The following C7 variants were observed in gnomAD, a reference collection of about 807,000 sequenced individuals.
The protein encoded by C7 is complement component C7.
A neutral mutation model predicts 104.8 loss-of-function variants in C7; 83 were observed. That is an observed-to-expected ratio of 0.79 (90% CI 0.66 to 0.95). C7 has a LOEUF of 0.95. Ranked by LOEUF, C7 falls within the 40% of genes least tolerant of loss-of-function variation. The pLI is 0.00. For missense variants in C7, 1,070 were observed against 1,011.2 expected (o/e 1.06, Z -0.79); for synonymous variants, 415 against 360.6 (o/e 1.15, Z -1.71).
intron 6 of C7, among the ~76,000 whole-genome samples, chr5:40,944,401 T>C (rs1020273695): frequency 6.6e-6 from 1 of 152,218 alleles, no homozygotes; most frequent in African/African-American, 2.4e-5. Context: ...GAACCTGTAG[T>C]TACATCTAGT....
In C7 at chr5:40,958,191, T is replaced by G; in HGVS notation, c.1419T>G (p.Cys473Trp). The change falls in exon 11 of 18, where the codon TGT (cysteine) becomes TGG (tryptophan). Residue 473 changes from cysteine (C) to tryptophan (W), a missense_variant. Physicochemically the swap from Cys to Trp is radical, Grantham distance 215. Coordinates refer to ENST00000313164, the MANE Select transcript of C7 (RefSeq NM_000587.4). ...TGGCTACTGTTGAGGGGACCCATTG[T>G]CTGTGCCATTGCAAACCGTACACAT... ...GGLATVEGTH[C>W]LCHCKPYTFG... 6.2e-7 allele frequency: 1 copy of G among 1,613,836 alleles called. No homozygotes were observed. Among genetic ancestry groups the G allele is most frequent in the South Asian group, 1.1e-5 (1 of 91,052 alleles).
At chr5:40,916,794 A>T (rs1739328687) in intron 1 of C7, among the ~76,000 whole-genome samples, 2 of 152,132 alleles carry the variant, frequency 1.3e-5, no homozygotes, top group African/African-American at 4.8e-5. Context: ...TGTGCACAAC[A>T]TGATGTTATA....
chr5:40,923,796 C>T (rs916512555), intron 1 of C7, among the ~76,000 whole-genome samples: 7 of 150,560 alleles, frequency 4.6e-5, no homozygotes, highest in African/African-American at 1.7e-4. Context: ...CACTTTAAAA[C>T]AATCAGATCT....
In C7 at chr5:40,959,492, C is replaced by T; in HGVS notation, c.1533C>T (p.Pro511=). 4.3e-6 allele frequency: 7 copies of T among 1,611,328 alleles called. No homozygotes were observed. The highest frequency in any genetic ancestry group is 5.9e-6 in the Non-Finnish European group (7 of 1,179,226). The part of the protein sequence containing the change: ...GGWSCWSSWS[P]CVQGKKTRSR... The stretch of plus-strand genomic sequence containing the variant: ...GGAGTTGCTGGTCCTCTTGGAGCCC[C>T]TGTGTCCAAGGGAAGAAAACAAGAA... Residue 511 remains proline (P), a synonymous_variant, in exon 12 of 18, where the codon CCC becomes CCT. Transcript: ENST00000313164.
At position 40,955,288 on chromosome 5, in the gene C7, G is replaced by A. The variant is rs113256961; in HGVS notation, c.1094-99G>A. 1.3e-3 allele frequency: 1,428 copies of A among 1,100,158 alleles called. 16 individuals carry two copies. The African/African-American group carries it at 0.021, about 16-fold the overall frequency. The allele number at this position is 1,100,158 out of a possible 1,614,324, so 68.1% of individuals were successfully genotyped here. On this transcript the variant is annotated intron_variant, in intron 9 of 17. Coordinates refer to ENST00000313164, the MANE Select transcript of C7 (RefSeq NM_000587.4). ...TCTGACCACAATTTATCTTTTGACT[G>A]TTTCCATAGTTTGGCTTTTTCCAGG...
At chr5:40,974,556 C>G (rs1027191481) in intron 15 of C7, among the ~76,000 whole-genome samples, 1 of 152,042 alleles carries the variant, frequency 6.6e-6, no homozygotes. Flanking sequence ...GCTGGGACTA[C>G]AGGTGCTCGC....
rs139824579 is a variant in C7, at chr5:40,962,311, G to A, written c.1749+139G>A. The stretch of plus-strand genomic sequence containing the variant: ...TATGCATTTTAGTTTTAGTGGTGAG[G>A]GTTTTAGTGTGTGACTTTTTTTCTT... On this transcript the variant is annotated intron_variant, in intron 13 of 17. Coordinates refer to ENST00000313164, the MANE Select transcript of C7 (RefSeq NM_000587.4). 279 of 496,210 alleles carry A rather than the reference G, an allele frequency of 5.6e-4. 1 individual carries two copies. The highest frequency in any genetic ancestry group is 5.0e-3 in the African/African-American group (260 of 52,142). The allele number at this position is 496,210 out of a possible 1,614,324, so 30.7% of individuals were successfully genotyped here. A position where few individuals can be genotyped will look rare whatever the true frequency, so the allele number is the denominator to read the frequency against.
At chr5:40,955,966 G>A (rs978139615) in intron 10 of C7, among the ~76,000 whole-genome samples, 5 of 152,092 alleles carry the variant, frequency 3.3e-5, no homozygotes, top group African/African-American at 1.2e-4. Flanking sequence ...GTCATACAAA[G>A]TAGGATAGTA....
intron 14 of C7, among the ~76,000 whole-genome samples, chr5:40,967,273 C>A (rs2111691801): frequency 6.6e-6 from 1 of 152,218 alleles, no homozygotes; most frequent in East Asian, 1.9e-4. Flanking sequence ...ACCATGTTGG[C>A]CAGGATGGTC....
intron 1 of C7, among the ~76,000 whole-genome samples, chr5:40,910,164 A>G (rs1381627920): frequency 1.3e-5 from 2 of 152,148 alleles, no homozygotes; most frequent in Admixed American, 6.6e-5. Flanking sequence ...TCTACCAAGT[A>G]TACATGTTGG....
rs1739423820 is a variant in C7 at position 40,920,864 on chromosome 5, C to T, written c.7-7716C>T. On this transcript the variant is annotated intron_variant, in intron 1 of 17. Coordinates refer to ENST00000313164, the MANE Select transcript of C7 (RefSeq NM_000587.4). Reference sequence around the variant, plus strand: ...AGGAGTTTGAGACCAGCCTGCCCAACATGGGGAAACCCCATCTCTACTAAA... The same window carrying T: ...AGGAGTTTGAGACCAGCCTGCCCAATATGGGGAAACCCCATCTCTACTAAA... 3.9e-5 allele frequency among the ~76,000 whole-genome samples: 6 copies of T among 152,254 alleles called. No homozygotes were observed. The South Asian group carries it at 1.2e-3, about 32-fold the overall frequency.
Position 40,931,077 on chromosome 5 carries a change from G to A in C7, c.76G>A (p.Val26Ile), listed in dbSNP as rs780083850. 6.2e-7 allele frequency: 1 copy of A among 1,612,152 alleles called. No individual in the cohort carries two copies. The highest frequency in any genetic ancestry group is 1.7e-5 in the Admixed American group (1 of 59,976). The change falls in exon 3 of 18, where the codon GTC (valine) becomes ATC (isoleucine). Residue 26 changes from valine to isoleucine, a missense_variant. Val to Ile is a conservative substitution (Grantham distance 29, BLOSUM62 3). Coordinates refer to ENST00000313164, the MANE Select transcript of C7 (RefSeq NM_000587.4). ...FQSFSSASSP[V>I]NCQWDFYAPW... ...ACACTGTGGCAGTGCCTCCTCTCCA[G>A]TCAACTGCCAGTGGGACTTCTATGC...
At position 40,953,102 on chromosome 5, in the gene C7, A is replaced by G. The variant is rs74591999; in HGVS notation, c.1094-2285A>G. On this transcript the variant is annotated intron_variant, in intron 9 of 17. Transcript: ENST00000313164. Reference sequence around the variant, plus strand: ...ACAGGGATGGGACGTGATTCACTGCATTAAAAAGTGTTACTGTATATATTG... The same window carrying G: ...ACAGGGATGGGACGTGATTCACTGCGTTAAAAAGTGTTACTGTATATATTG... Among the ~76,000 whole-genome samples the G allele has an allele frequency of 4.0e-3, 606 of 152,280 alleles. 3 individuals carry two copies. Among genetic ancestry groups the G allele is most frequent in the Admixed American group, 7.5e-3 (115 of 15,294 alleles).
At chr5:40,945,670 G>T (rs911208261) in intron 7 of C7, among the ~76,000 whole-genome samples, 1 of 151,838 alleles carries the variant, frequency 6.6e-6, no homozygotes, top group African/African-American at 2.4e-5. Flanking sequence ...TTTGGGACCA[G>T]CCTGGGCAAC....
chr5:40,916,331 G>C (rs1739315400), intron 1 of C7, among the ~76,000 whole-genome samples: 1 of 152,118 alleles, frequency 6.6e-6, no homozygotes, highest in Non-Finnish European at 1.5e-5. Flanking sequence ...AAGGCCTCAG[G>C]AGTGTTTTAA....
Position 40,959,565 on chromosome 5 carries a change from G to A in C7, c.1606G>A (p.Val536Ile), listed in dbSNP as rs200879856. ...PPPSGGGRSC[V>I]GETTESTQCE... Reference sequence around the variant, plus strand: ...TCCCAGTGGGGGTGGGAGATCCTGCGTTGGAGAAACGACAGAAAGCACACA... The same window carrying A: ...TCCCAGTGGGGGTGGGAGATCCTGCATTGGAGAAACGACAGAAAGCACACA... The change falls in exon 12 of 18, where the codon GTT becomes ATT. Residue 536 changes from valine to isoleucine, a missense_variant. Transcript: ENST00000313164. The A allele has an allele frequency of 1.9e-4, 302 of 1,609,678 alleles. No individual in the cohort carries two copies. Among genetic ancestry groups the A allele is most frequent in the Non-Finnish European group, 2.3e-4 (270 of 1,178,660 alleles).
chr5:40,924,688 A>G (rs921309580), intron 1 of C7, among the ~76,000 whole-genome samples: 1 of 151,998 alleles, frequency 6.6e-6, no homozygotes, highest in African/African-American at 2.4e-5. Context: ...AGCCTCCTTC[A>G]CTCTTGCACT....
intron 2 of C7, among the ~76,000 whole-genome samples, 154 bp downstream of exon 2, chr5:40,928,789 G>A (rs1435027322): frequency 6.6e-6 from 1 of 151,958 alleles, no homozygotes; most frequent in African/African-American, 2.4e-5. Flanking sequence ...GATAACAAAA[G>A]CATGTGTTTT....
At chr5:40,941,612 T>A (rs2111612531) in intron 6 of C7, among the ~76,000 whole-genome samples, 1 of 152,256 alleles carries the variant, frequency 6.6e-6, no homozygotes, top group South Asian at 2.1e-4. Flanking sequence ...GTTAGAAAAC[T>A]GTTGTAATAA....
Sources: gnomAD v4.1 joint callset for allele counts (sites outside exome capture counted in the v4.1 genomes callset) on GRCh38, gnomAD v4.1.1 for gene constraint, MANE v1.5 for transcripts, NCBI Gene and HGNC (gene_info 2026-07-23, HGNC 2026-07-21) for gene names.